The following ABCC5 variants were observed in gnomAD, a reference collection of about 807,000 sequenced individuals.
ABCC5 encodes ATP binding cassette subfamily C member 5.
A neutral mutation model predicts 160.9 loss-of-function variants in ABCC5; 61 were observed. The ratio of observed to expected loss-of-function variants is 0.38; its 90% confidence interval spans 0.31 to 0.47. The LOEUF (loss-of-function observed/expected upper bound fraction) is 0.47, where lower values mean the gene tolerates loss of function less well. Ranked by LOEUF, ABCC5 falls within the 20% of genes least tolerant of loss-of-function variation. The pLI, the probability that ABCC5 is intolerant of heterozygous loss-of-function variation, is 0.99. For synonymous variants in ABCC5, 666 were observed against 700.6 expected (o/e 0.95, Z 0.78); for missense variants, 1,308 against 1,813.3 (o/e 0.72, Z 5.06).
At chr3:184,014,784 T>TA (rs1194828506) in intron 1 of ABCC5, among the ~76,000 whole-genome samples, 1 of 151,918 alleles carries the variant, frequency 6.6e-6, no homozygotes, top group Non-Finnish European at 1.5e-5. Context: ...GTTTTTTTTT[T>TA]AAAGACTTTC....
chr3:183,938,367 C>T (rs1465384608), intron 25 of ABCC5, among the ~76,000 whole-genome samples: 2 of 151,876 alleles, frequency 1.3e-5, no homozygotes, highest in East Asian at 1.9e-4. Flanking sequence ...GGTGCGATCT[C>T]GGCTCACTGC....
chr3:183,951,744 G>A lies in ABCC5; in HGVS notation c.2814+113C>T. 1 of 1,495,420 alleles carries A rather than the reference G, an allele frequency of 6.7e-7. No individual in the cohort carries two copies. The allele number at this position is 1,495,420 out of a possible 1,614,324, so 92.6% of individuals were successfully genotyped here. ...AACGGAATATGAGTCATCTCAGCCA[G>A]GGCCATCCTGGTTAAGGGAGCTCCC... On this transcript the variant is annotated intron_variant, in intron 19 of 29. Transcript: ENST00000334444. This position sits in a 1 kb window ranked among gnomAD's most constrained non-coding sequence, Gnocchi z 4.7.
At position 183,987,518 on chromosome 3, in the gene ABCC5, G is replaced by A. The variant is rs1719330258; in HGVS notation, c.591+252C>T. The A allele has an allele frequency of 1.6e-6, 1 of 619,714 alleles. No individual in the cohort carries two copies. The highest frequency in any genetic ancestry group is 1.8e-5 in the African/African-American group (1 of 54,518). The allele number at this position is 619,714 out of a possible 1,614,324, so 38.4% of individuals were successfully genotyped here. On this transcript the variant is annotated intron_variant, in intron 5 of 29. Transcript: ENST00000334444. This position sits in a 1 kb window ranked among gnomAD's most constrained non-coding sequence, Gnocchi z 4.2. Reference sequence around the variant, plus strand: ...ACACAACCGAGAAGCACAGTCCTGTGCAGAACTGGAGTCAGTTCCATTTCA... The same window carrying A: ...ACACAACCGAGAAGCACAGTCCTGTACAGAACTGGAGTCAGTTCCATTTCA...
In ABCC5 at chr3:183,965,385, A is replaced by G; in HGVS notation, c.1950T>C (p.Asp650=). The change falls in exon 13 of 30, where the codon GAT becomes GAC. Residue 650 remains aspartate (D), a synonymous_variant. Coordinates refer to ENST00000334444, the MANE Select transcript of ABCC5 (RefSeq NM_005688.4). The stretch of plus-strand genomic sequence containing the variant: ...AGCCAAACATTCCTTGCCTTTCTTC[A>G]TCATATTCCTTCCCAAACAGGATGT... ...RDNILFGKEY[D]EERYNSVLNS... 2 of 1,614,130 alleles carry G rather than the reference A, an allele frequency of 1.2e-6. No homozygotes were observed. The highest frequency in any genetic ancestry group is 3.3e-5 in the Admixed American group (2 of 60,020).
intron 5 of ABCC5, chr3:183,984,354 T>C: frequency 1.0e-6 from 1 of 985,680 alleles, no homozygotes; most frequent in South Asian, 4.7e-5. Flanking sequence ...AGAAAAAAAT[T>C]GATGTGAAGC....
At chr3:183,931,976 T>C (rs998639809) in intron 26 of ABCC5, among the ~76,000 whole-genome samples, 18 of 152,246 alleles carry the variant, frequency 1.2e-4, no homozygotes, top group African/African-American at 4.3e-4. Context: ...GTCCTGATCT[T>C]GCCAAAGGTA....
rs1477176544 is a variant in ABCC5, at chr3:183,965,202, T to C, written c.2014A>G (p.Ser672Gly). Residue 672 changes from serine (S) to glycine (G), a missense_variant, in exon 14 of 30, where the codon AGC (serine) becomes GGC (glycine). Physicochemically the swap from Ser to Gly is moderately conservative, Grantham distance 56 (BLOSUM62 0). Around this residue, in one of 3 missense-constraint regions of ABCC5, gnomAD observed 1,142 missense variants for 1,527.1 expected, o/e 0.75. Transcript: ENST00000334444. ...GCCTGTACCTCCGTCAGGTCGCTGC[T>C]GGGAAGAATGGCCAGGTCAGGCCTC... ...CLRPDLAILPSSDLTEIGERG... is the reference protein window; with the variant it reads ...CLRPDLAILPGSDLTEIGERG... 3.1e-6 allele frequency: 5 copies of C among 1,614,042 alleles called. No homozygotes were observed. The highest frequency in any genetic ancestry group is 1.3e-5 in the African/African-American group (1 of 74,936).
chr3:183,929,811 C>T (rs1713000682), intron 26 of ABCC5, among the ~76,000 whole-genome samples: 1 of 152,058 alleles, frequency 6.6e-6, no homozygotes, highest in Non-Finnish European at 1.5e-5. Flanking sequence ...GGGGTTTTGC[C>T]ATGTTGCCCA....
intron 14 of ABCC5, among the ~76,000 whole-genome samples, chr3:183,964,927 A>T (rs190833716): frequency 1.3e-4 from 20 of 152,382 alleles, no homozygotes; most frequent in African/African-American, 4.1e-4. Context: ...TCTGGATAGA[A>T]TAAAAAACAT....
At position 183,920,181 on chromosome 3, in the gene ABCC5, C is replaced by A. The variant is rs1463404343; in HGVS notation, c.*1119G>T. ...GGTAGGTCTCTTTACAGTACAAAAA[C>A]TTCTACGCCAGTGTGAGACACTGAT... On this transcript the variant is annotated 3_prime_UTR_variant, in exon 30 of 30. Coordinates refer to ENST00000334444, the MANE Select transcript of ABCC5 (RefSeq NM_005688.4). The surrounding 1 kb of genome is among the most constrained non-coding windows in gnomAD (Gnocchi z 4.1). 3 of 152,676 alleles carry A rather than the reference C, an allele frequency of 2.0e-5. No homozygotes were observed. Among genetic ancestry groups the A allele is most frequent in the Non-Finnish European group, 2.9e-5 (2 of 68,072 alleles). The allele number at this position is 152,676 out of a possible 1,614,324, so 9.5% of individuals were successfully genotyped here.
chr3:184,013,982 C>T (rs926187895), intron 2 of ABCC5, among the ~76,000 whole-genome samples: 9 of 152,170 alleles, frequency 5.9e-5, no homozygotes, highest in African/African-American at 2.2e-4. Context: ...AAGCGATTCT[C>T]GTGCCTCAGC....
chr3:184,017,603 T>A lies in ABCC5; in HGVS notation c.-56+227A>T, dbSNP rs1722299694. ...CCTGCCCGCTCATCCCGATCCTACCTGCCTGTCTTCCAGCACACGACCCCG... is the reference window on the plus strand; with the variant it reads ...CCTGCCCGCTCATCCCGATCCTACCAGCCTGTCTTCCAGCACACGACCCCG... On this transcript the variant is annotated intron_variant, in intron 1 of 29. Coordinates refer to ENST00000334444, the MANE Select transcript of ABCC5 (RefSeq NM_005688.4). The surrounding 1 kb of genome is among the most constrained non-coding windows in gnomAD (Gnocchi z 4.5). Among the ~76,000 whole-genome samples, 1 of 151,018 alleles carries A rather than the reference T, an allele frequency of 6.6e-6. No homozygotes were observed. The highest frequency in any genetic ancestry group is 1.5e-5 in the Non-Finnish European group (1 of 67,776).
intron 26 of ABCC5, among the ~76,000 whole-genome samples, chr3:183,931,491 C>T (rs1713179304): frequency 1.3e-5 from 2 of 152,190 alleles, no homozygotes; most frequent in South Asian, 4.1e-4. Context: ...CGCCACCACA[C>T]CTGGCTAACT....
At position 183,982,987 on chromosome 3, in the gene ABCC5, G is replaced by C; in HGVS notation, c.612C>G (p.Leu204=). ...FSGPAFMVKH[L]LEYTQATESN... ...ACTCTGTTGCCTGGGTATACTCCAA[G>C]AGGTGTTTCACCATGAAGGCCTACA... The change falls in exon 6 of 30, where the codon CTC becomes CTG. Residue 204 remains leucine (L), a synonymous_variant. Coordinates refer to ENST00000334444, the MANE Select transcript of ABCC5 (RefSeq NM_005688.4). The surrounding 1 kb of genome is among the most constrained non-coding windows in gnomAD (Gnocchi z 5.2). The C allele has an allele frequency of 6.2e-6, 10 of 1,614,180 alleles. No homozygotes were observed. Among genetic ancestry groups the C allele is most frequent in the Non-Finnish European group, 8.5e-6 (10 of 1,180,030 alleles).
At chr3:183,984,492 C>A (rs2108858557) in intron 5 of ABCC5, 2 of 1,071,770 alleles carry the variant, frequency 1.9e-6, no homozygotes, top group Non-Finnish European at 2.3e-6. Context: ...TTCCAAAACC[C>A]AGACTCTCTC....
intron 2 of ABCC5, among the ~76,000 whole-genome samples, chr3:183,992,029 T>A (rs190478127): frequency 2.0e-4 from 31 of 152,328 alleles, no homozygotes; most frequent in Non-Finnish European, 1.8e-4. Context: ...AAAATGTCAC[T>A]TCAAATACAT....
intron 1 of ABCC5, among the ~76,000 whole-genome samples, chr3:184,016,213 A>G (rs1278525777): frequency 6.6e-6 from 1 of 152,220 alleles, no homozygotes; most frequent in African/African-American, 2.4e-5. Flanking sequence ...TTGTGCCTAC[A>G]GTGACTGCTG....
Position 184,007,430 on chromosome 3 carries a change from C to T in ABCC5, c.129+6834G>A, listed in dbSNP as rs188823794. ...GCACTAAGAAAACAAACCACCACCA[C>T]AATAAAATAAAGCTCATAAAAGCAT... On this transcript the variant is annotated intron_variant, in intron 2 of 29. Coordinates refer to ENST00000334444, the MANE Select transcript of ABCC5 (RefSeq NM_005688.4). 8.4e-4 allele frequency among the ~76,000 whole-genome samples: 128 copies of T among 152,262 alleles called. 1 individual carries two copies. The highest frequency in any genetic ancestry group is 2.9e-3 in the African/African-American group (122 of 41,540).
Position 183,988,517 on chromosome 3 carries a change from C to A in ABCC5, c.443+55G>T. 6.4e-7 allele frequency: 1 copy of A among 1,566,574 alleles called. No individual in the cohort carries two copies. Among genetic ancestry groups the A allele is most frequent in the Non-Finnish European group, 8.6e-7 (1 of 1,161,054 alleles). On this transcript the variant is annotated intron_variant, in intron 4 of 29. Transcript: ENST00000334444. This position sits in a 1 kb window ranked among gnomAD's most constrained non-coding sequence, Gnocchi z 4.4. ...AGAGCTGTGGACTTCACACTCCTAG[C>A]TCAGGCCCTGCCCACCCGGCATGGG... is the stretch of plus-strand genomic sequence containing the variant.
Sources: gnomAD v4.1 joint callset for allele counts (sites outside exome capture counted in the v4.1 genomes callset) on GRCh38, gnomAD v4.1.1 for gene constraint, gnomAD v4.1.1 regional missense constraint, Gnocchi (gnomAD v3.1) non-coding constraint, MANE v1.5 for transcripts, NCBI Gene and HGNC (gene_info 2026-07-23, HGNC 2026-07-21) for gene names.